Variants in KCNT2 observed in about 807,000 individuals in gnomAD.
KCNT2 encodes potassium sodium-activated channel subfamily T member 2, also known as potassium channel subfamily T member 2.
A neutral mutation model predicts 153.8 loss-of-function variants in KCNT2; 67 were observed. The ratio of observed to expected loss-of-function variants is 0.44; its 90% CI spans 0.36 to 0.53. KCNT2 has a LOEUF of 0.53. KCNT2 is among the 20% of genes least tolerant of loss of function. The pLI, the probability that KCNT2 is intolerant of heterozygous loss-of-function variation, is 0.00. For missense variants in KCNT2, 975 were observed against 1,354.8 expected (o/e 0.72, Z 4.40); for synonymous variants, 500 against 458.8 (o/e 1.09, Z -1.15).
rs145922827 is a variant in KCNT2, at chr1:196,402,876, A to T, written c.1186-4205T>A. On this transcript the variant is annotated intron_variant, in intron 12 of 27. Transcript: ENST00000294725. ...TTAAAACAGTAAGACATCACTAAAC[A>T]CTTTTCATAATAGCTAAAATCTAAA... is the stretch of plus-strand genomic sequence containing the variant. Among the ~76,000 whole-genome samples the T allele has an allele frequency of 1.7e-3, 254 of 151,736 alleles. 1 individual carries two copies. The highest frequency in any genetic ancestry group is 6.0e-3 in the African/African-American group (251 of 41,498).
At chr1:196,485,656 A>T (rs1679363607) in intron 3 of KCNT2, among the ~76,000 whole-genome samples, 1 of 151,936 alleles carries the variant, frequency 6.6e-6, no homozygotes, top group Non-Finnish European at 1.5e-5. Context: ...AAAGTCCTAC[A>T]AATCTCATAT....
At chr1:196,454,456 G>T (rs1317734982) in intron 8 of KCNT2, among the ~76,000 whole-genome samples, 2 of 151,922 alleles carry the variant, frequency 1.3e-5, no homozygotes, top group Non-Finnish European at 2.9e-5. Flanking sequence ...TTACAAGTGA[G>T]AATATGCAGT....
chr1:196,490,721 A>G (rs1396007501), intron 2 of KCNT2, among the ~76,000 whole-genome samples: 2 of 151,836 alleles, frequency 1.3e-5, no homozygotes, highest in African/African-American at 4.8e-5. Flanking sequence ...AGCCTGTAAT[A>G]TTCAATGATG....
At chr1:196,469,093 C>T (rs79223813) in intron 5 of KCNT2, 25 bp from the exon 6 acceptor site, 91 of 1,449,992 alleles carry the variant, frequency 6.3e-5, no homozygotes, top group South Asian at 2.1e-4. Flanking sequence ...TGAATAAAAA[C>T]GAAAGTCAAT....
intron 1 of KCNT2, among the ~76,000 whole-genome samples, chr1:196,499,914 C>A (rs1209291711): frequency 6.6e-6 from 1 of 151,962 alleles, no homozygotes; most frequent in African/African-American, 2.4e-5. Flanking sequence ...AAGGCCGAGG[C>A]AGGTGGATCA....
intron 13 of KCNT2, among the ~76,000 whole-genome samples, chr1:196,395,570 G>A (rs1670866350): frequency 6.6e-6 from 1 of 151,410 alleles, no homozygotes; most frequent in African/African-American, 2.4e-5. Flanking sequence ...AATGGCATGA[G>A]GGGGTTGTTT....
chr1:196,274,508 C>T (rs971119644), intron 25 of KCNT2, among the ~76,000 whole-genome samples: 6 of 151,554 alleles, frequency 4.0e-5, no homozygotes, highest in Non-Finnish European at 8.9e-5. Flanking sequence ...AATTTTACAA[C>T]CAGTCAATCC....
rs143617033 is a variant in KCNT2, at chr1:196,509,663, T to C, written c.96-17322A>G. Among the ~76,000 whole-genome samples the C allele has an allele frequency of 3.1e-3, 465 of 152,352 alleles. 1 individual carries two copies. Among genetic ancestry groups the C allele is most frequent in the African/African-American group, 0.01 (424 of 41,592 alleles). On this transcript the variant is annotated intron_variant, in intron 1 of 27. Transcript: ENST00000294725. ...AGAAGACAGTATAGCAGTCCAGAGT[T>C]AGACTTCATTTATTTATAAGGTATT...
chr1:196,404,616 T>C (rs746791115), intron 12 of KCNT2, among the ~76,000 whole-genome samples: 9 of 151,536 alleles, frequency 5.9e-5, no homozygotes, highest in Non-Finnish European at 1.0e-4. Context: ...AAGTCACTTA[T>C]CTAGGAAGCC....
At chr1:196,481,817 T>C (rs1315964676) in intron 4 of KCNT2, among the ~76,000 whole-genome samples, 1 of 152,178 alleles carries the variant, frequency 6.6e-6, no homozygotes. Flanking sequence ...AAAGACTCCT[T>C]TTATGCTATG....
intron 14 of KCNT2, 101 bp downstream of exon 14, chr1:196,373,039 C>G: frequency 1.6e-6 from 1 of 642,970 alleles, no homozygotes; most frequent in South Asian, 1.8e-5. Context: ...AGGTACATAT[C>G]TAGCTGTATA....
At chr1:196,259,253 A>C (rs1249325428) in intron 25 of KCNT2, among the ~76,000 whole-genome samples, 1 of 152,144 alleles carries the variant, frequency 6.6e-6, no homozygotes, top group African/African-American at 2.4e-5. Context: ...ACAAACTCAC[A>C]AAGTCTATTA....
chr1:196,352,715 CTCTGATTT>C (rs1666834348), intron 14 of KCNT2, among the ~76,000 whole-genome samples: 1 of 152,034 alleles, frequency 6.6e-6, no homozygotes, highest in Non-Finnish European at 1.5e-5. Context: ...GTCAGTTCTG[CTCTGATTT>C]TAGTTATTTC....
intron 12 of KCNT2, among the ~76,000 whole-genome samples, chr1:196,416,125 C>T (rs1340252299): frequency 6.6e-6 from 1 of 152,110 alleles, no homozygotes; most frequent in Non-Finnish European, 1.5e-5. Context: ...ACTATATATG[C>T]TTCCCATCCA....
At chr1:196,588,280 A>AC (rs1558110548) in intron 1 of KCNT2, among the ~76,000 whole-genome samples, 3 of 151,562 alleles carry the variant, frequency 2.0e-5, no homozygotes, top group East Asian at 1.9e-4. Flanking sequence ...GGAAAAAAAA[A>AC]CAGGAAAACA....
intron 1 of KCNT2, among the ~76,000 whole-genome samples, chr1:196,570,733 A>G (rs1431736693): frequency 6.6e-6 from 1 of 152,120 alleles, no homozygotes; most frequent in Admixed American, 6.5e-5. Context: ...GTGAGTAACT[A>G]CTGTCCTTTT....
chr1:196,258,163 C>G, intron 26 of KCNT2, 31 bp downstream of exon 26: 1 of 1,597,792 alleles, frequency 6.3e-7, no homozygotes, highest in East Asian at 2.2e-5. Flanking sequence ...AATCACGAGT[C>G]CATATATACA....
At chr1:196,487,409 AGT>A (rs56943556) in intron 3 of KCNT2, among the ~76,000 whole-genome samples, 7,146 of 146,482 alleles carry the variant, frequency 0.049, 484 homozygotes, top group African/African-American at 0.15. Flanking sequence ...CATGTTATGG[AGT>A]GTGTGTGTGT....
chr1:196,421,006 G>C (rs930767747), intron 12 of KCNT2, among the ~76,000 whole-genome samples: 9 of 152,040 alleles, frequency 5.9e-5, no homozygotes, highest in Admixed American at 2.0e-4. Flanking sequence ...TACATTCAGA[G>C]ACATCTGGTA....
Sources: allele counts gnomAD v4.1 joint callset (sites outside exome capture counted in the v4.1 genomes callset), GRCh38; gene constraint gnomAD v4.1.1; transcripts MANE v1.5; gene names NCBI Gene and HGNC (gene_info 2026-07-23, HGNC 2026-07-21).